PAM: variants seen among roughly 807,000 people sequenced by gnomAD.
The protein encoded by PAM is peptidylglycine alpha-amidating monooxygenase, also known as peptidyl-glycine alpha-amidating monooxygenase.
Under a neutral mutation model 122.1 loss-of-function variants are expected in PAM, and 72 were observed. That is an observed-to-expected ratio of 0.59 (90% CI 0.49 to 0.72). The LOEUF (loss-of-function observed/expected upper bound fraction) is 0.72. Ranked by LOEUF, PAM falls within the 30% of genes least tolerant of loss-of-function variation. The probability of loss-of-function intolerance (pLI) is 0.00; values close to 1 mark genes in which losing one functional copy is unlikely to be tolerated. For missense variants in PAM, 1,106 were observed against 1,183.7 expected, an observed-to-expected ratio of 0.93 and a Z score of 0.96; for synonymous variants, 389 against 404.4, an observed-to-expected ratio of 0.96 and a Z score of 0.46.
intron 15 of PAM, among the ~76,000 whole-genome samples, chr5:102,984,648 G>A (rs1215404654): frequency 6.6e-6 from 1 of 152,084 alleles, no homozygotes; most frequent in East Asian, 1.9e-4. Flanking sequence ...TAATGGTTGG[G>A]GACCTCAACC....
chr5:102,905,162 T>G (rs1283478705), intron 4 of PAM, among the ~76,000 whole-genome samples: 1 of 151,766 alleles, frequency 6.6e-6, no homozygotes, highest in East Asian at 2.0e-4. Context: ...AATATCTGCA[T>G]TTGACCACTG....
intron 15 of PAM, among the ~76,000 whole-genome samples, chr5:102,986,556 C>T (rs1199438548): frequency 2.6e-5 from 4 of 152,010 alleles, no homozygotes; most frequent in Non-Finnish European, 5.9e-5. Flanking sequence ...AACTACAAAA[C>T]ACTGATGAAA....
rs548604789 is a variant in PAM, at chr5:103,016,454, T to A, written c.2332-880T>A. Among the ~76,000 whole-genome samples the A allele has an allele frequency of 5.9e-5, 9 of 152,316 alleles. No homozygotes were observed. In the South Asian group the frequency reaches 1.2e-3, roughly 21 times the overall value. ...GGCCTTAAAGGTGAAAGATGTTATC[T>A]ATATCCTGCCAACTGCCAGACCCAG... On this transcript the variant is annotated intron_variant, in intron 21 of 25. Transcript: ENST00000438793.
chr5:103,016,170 GA>G (rs1388009406), intron 21 of PAM, among the ~76,000 whole-genome samples: 2 of 151,804 alleles, frequency 1.3e-5, no homozygotes, highest in East Asian at 1.9e-4. Context: ...TTGAAAGTAT[GA>G]AAAAAAATGA....
intron 12 of PAM, among the ~76,000 whole-genome samples, chr5:102,952,140 T>G (rs1759136388): frequency 6.6e-6 from 1 of 151,484 alleles, no homozygotes; most frequent in South Asian, 2.1e-4. Flanking sequence ...TTCAACACAT[T>G]ACCTGCATTG....
At position 103,028,893 on chromosome 5, in the gene PAM, G is replaced by A. The variant is rs137865834; in HGVS notation, c.2750G>A (p.Gly917Glu). 397 of 1,602,522 alleles carry A rather than the reference G, an allele frequency of 2.5e-4. No homozygotes were observed. The highest frequency in any genetic ancestry group is 3.1e-4 in the Non-Finnish European group (362 of 1,176,012). Residue 917 changes from glycine to glutamate, a missense_variant, in exon 26 of 26, where the codon GGA becomes GAA. Physicochemically the swap from Gly to Glu is moderately conservative, Grantham distance 98. Transcript: ENST00000438793. ...GRVLGRFRGK[G>E]SGGLNLGNFF... ...ATTGTTTGCTTTTTTTCAGGAAAGG[G>A]AAGTGGAGGCTTAAACCTTGGTAAT...
At chr5:103,027,966 A>G (rs1215444809) in intron 24 of PAM, among the ~76,000 whole-genome samples, 1 of 152,200 alleles carries the variant, frequency 6.6e-6, no homozygotes, top group East Asian at 1.9e-4. Flanking sequence ...TCAAGACTGC[A>G]CAGCCAGTAA....
At chr5:102,811,400 C>G (rs1313701434) in intron 1 of PAM, among the ~76,000 whole-genome samples, 1 of 152,204 alleles carries the variant, frequency 6.6e-6, no homozygotes, top group African/African-American at 2.4e-5. Flanking sequence ...TCCATCTTTA[C>G]AGCTTGCAAG....
intron 4 of PAM, among the ~76,000 whole-genome samples, chr5:102,913,365 A>G (rs1471518103): frequency 2.6e-5 from 4 of 152,044 alleles, no homozygotes; most frequent in Non-Finnish European, 4.4e-5. Flanking sequence ...TATTGAGGAC[A>G]GTAATTTTAT....
chr5:102,900,254 T>G (rs1423784863), intron 3 of PAM, among the ~76,000 whole-genome samples: 689 of 26,964 alleles, frequency 0.026, 25 homozygotes, highest in Admixed American at 0.18. Context: ...TGTGTGTGTG[T>G]GGGGGGGGGG....
At chr5:102,786,852 A>T (rs1297478180) in intron 1 of PAM, among the ~76,000 whole-genome samples, 2 of 152,162 alleles carry the variant, frequency 1.3e-5, no homozygotes, top group Non-Finnish European at 2.9e-5. Flanking sequence ...GGTCAAGAAT[A>T]TATCTTAAAA....
chr5:102,942,763 G>GTTTTTT (rs1427395696), intron 7 of PAM, among the ~76,000 whole-genome samples: 1 of 129,378 alleles, frequency 7.7e-6, no homozygotes. Flanking sequence ...TAGAAATGCA[G>GTTTTTT]TTTCACCATA....
intron 3 of PAM, among the ~76,000 whole-genome samples, chr5:102,867,996 G>A (rs1786127295): frequency 6.6e-6 from 1 of 152,232 alleles, no homozygotes; most frequent in African/African-American, 2.4e-5. Context: ...TGTAGAACTA[G>A]GTTGCTGCTA....
chr5:102,766,926 A>ATTTTTTTTTTTTTT, intron 1 of PAM, among the ~76,000 whole-genome samples: 740 of 25,864 alleles, frequency 0.029, 300 homozygotes, highest in Non-Finnish European at 0.04. Context: ...TCAGTTGTGG[A>ATTTTTTTTTTTTTT]TTTTTTTTTT....
chr5:102,828,897 A>G (rs944347295), intron 1 of PAM, among the ~76,000 whole-genome samples: 3 of 150,686 alleles, frequency 2.0e-5, no homozygotes, highest in African/African-American at 7.3e-5. Flanking sequence ...GCATTTGCAT[A>G]TAAGAAATTC....
chr5:102,845,644 T>C (rs1486693251), intron 1 of PAM, among the ~76,000 whole-genome samples: 1 of 152,234 alleles, frequency 6.6e-6, no homozygotes, highest in Non-Finnish European at 1.5e-5. Context: ...AATACTTCCA[T>C]TTATTCAGGG....
chr5:102,765,023 C>T (rs1753468339), intron 1 of PAM, among the ~76,000 whole-genome samples: 1 of 151,896 alleles, frequency 6.6e-6, no homozygotes, highest in South Asian at 2.1e-4. Flanking sequence ...GGCCTATTTC[C>T]ATCACTTCCT....
intron 1 of PAM, among the ~76,000 whole-genome samples, chr5:102,801,941 G>A (rs369012431): frequency 0.017 from 2,480 of 150,056 alleles, 57 homozygotes; most frequent in East Asian, 0.12. Context: ...ACCACGCCCG[G>A]CTAATTTTTT....
At chr5:103,025,424 C>T (rs1388645127) in intron 24 of PAM, 90 bp downstream of exon 24, 3 of 1,090,012 alleles carry the variant, frequency 2.8e-6, no homozygotes, top group African/African-American at 1.5e-5. Context: ...GGATTTTTTT[C>T]ACTGTATTTG....
Sources: allele counts gnomAD v4.1 joint callset (sites outside exome capture counted in the v4.1 genomes callset), GRCh38; gene constraint gnomAD v4.1.1; transcripts MANE v1.5; gene names NCBI Gene and HGNC (gene_info 2026-07-23, HGNC 2026-07-21).